PAG1: variants seen among roughly 807,000 people sequenced by gnomAD.
PAG1 encodes the protein phosphoprotein associated with glycosphingolipid-enriched microdomains 1.
PAG1 carries 23 observed loss-of-function variants against 31.7 expected under a neutral mutation model. The ratio of observed to expected loss-of-function variants is 0.73; its 90% CI spans 0.52 to 1.03. The LOEUF (loss-of-function observed/expected upper bound fraction) is 1.03, where lower values mean the gene tolerates loss of function less well. Among genes scored for constraint, PAG1 ranks in the 50% least tolerant of loss-of-function variants. The pLI is 0.00. For synonymous variants in PAG1, 214 were observed against 210.3 expected (o/e 1.02, Z -0.15); for missense variants, 473 against 540.7 (o/e 0.87, Z 1.24).
At chr8:81,087,884 T>A (rs772798056) in intron 1 of PAG1, among the ~76,000 whole-genome samples, 20 of 152,300 alleles carry the variant, frequency 1.3e-4, no homozygotes, top group Admixed American at 9.8e-4. Flanking sequence ...TTTAAAGATT[T>A]TTGACAGTTT....
chr8:80,994,234 TTATTCTGAGTATGTTATG>T (rs1807625660), intron 3 of PAG1, among the ~76,000 whole-genome samples: 2 of 152,288 alleles, frequency 1.3e-5, no homozygotes, highest in South Asian at 4.1e-4. Context: ...CTGCATTTAT[TTATTCTGAGTATGTTATG>T]TATTCTGAGT....
At chr8:81,043,637 A>G (rs184240495) in intron 2 of PAG1, among the ~76,000 whole-genome samples, 268 of 152,300 alleles carry the variant, frequency 1.8e-3, no homozygotes, top group Non-Finnish European at 3.1e-3. Context: ...GTTTTCCTCA[A>G]TTACAAATGA....
chr8:81,108,884 G>A (rs1809732964), intron 1 of PAG1, among the ~76,000 whole-genome samples: 1 of 152,204 alleles, frequency 6.6e-6, no homozygotes, highest in African/African-American at 2.4e-5. Flanking sequence ...ATGAGGCAAA[G>A]TGCAAGGCCT....
Position 81,083,487 on chromosome 8 carries a change from C to A in PAG1, c.-233-13317G>T, listed in dbSNP as rs548699091. On this transcript the variant is annotated intron_variant, in intron 1 of 8. Coordinates refer to ENST00000220597, the MANE Select transcript of PAG1 (RefSeq NM_018440.4). ...AGGGCTGGGGTGCCTTGGGACACCC[C>A]AGCTCTCAATTTAGAGCTGGCAAGG... 8.5e-5 allele frequency among the ~76,000 whole-genome samples: 13 copies of A among 152,160 alleles called. No homozygotes were observed. In the South Asian group the frequency reaches 2.1e-3, roughly 24 times the overall value.
At chr8:81,039,322 A>G (rs1216768126) in intron 2 of PAG1, 1 of 152,216 alleles carries the variant, frequency 6.6e-6, no homozygotes, top group Non-Finnish European at 1.5e-5. Context: ...CTAGAGTAGG[A>G]TGGGCCCCCA....
In PAG1 at chr8:80,969,609, CT is replaced by C. The variant is rs1807034532; in HGVS notation, c.*6934del. 1 of 152,222 alleles carries C rather than the reference CT, an allele frequency of 6.6e-6. No homozygotes were observed. The highest frequency in any genetic ancestry group is 2.4e-5 in the African/African-American group (1 of 41,454). 9.4% of individuals were successfully genotyped at this position (152,222 alleles called of 1,614,324 possible). On this transcript the variant is annotated 3_prime_UTR_variant, in exon 9 of 9. Coordinates refer to ENST00000220597, the MANE Select transcript of PAG1 (RefSeq NM_018440.4). ...AGGGAGCAACTGGTCCTTCTTTTAG[CT>C]TTAACTGTGTCCTATTTAGAGTGCC...
At chr8:81,035,622 A>G (rs886730789) in intron 2 of PAG1, among the ~76,000 whole-genome samples, 1 of 152,198 alleles carries the variant, frequency 6.6e-6, no homozygotes, top group African/African-American at 2.4e-5. Flanking sequence ...GAGGGCAACG[A>G]TGGCACATGC....
chr8:81,021,868 T>C (rs1165457132), intron 3 of PAG1, among the ~76,000 whole-genome samples: 1 of 152,160 alleles, frequency 6.6e-6, no homozygotes, highest in Non-Finnish European at 1.5e-5. Flanking sequence ...TAAAAGTCAG[T>C]TCACATAGAA....
At chr8:81,087,341 C>CAAAAAA (rs34830995) in intron 1 of PAG1, among the ~76,000 whole-genome samples, 16 of 98,310 alleles carry the variant, frequency 1.6e-4, no homozygotes, top group African/African-American at 6.1e-4. Flanking sequence ...GACTCTGTCT[C>CAAAAAA]AAAAAAAAAA....
intron 2 of PAG1, among the ~76,000 whole-genome samples, chr8:81,059,159 G>A (rs1000750617): frequency 2.0e-5 from 3 of 151,910 alleles, no homozygotes; most frequent in Non-Finnish European, 4.4e-5. Flanking sequence ...AACATGTCCA[G>A]ATTACTTATA....
At chr8:81,098,371 C>T (rs1472999398) in intron 1 of PAG1, among the ~76,000 whole-genome samples, 2 of 152,160 alleles carry the variant, frequency 1.3e-5, no homozygotes. Flanking sequence ...CTACAGAACC[C>T]CACATAGTTT....
At chr8:80,999,913 G>A (rs1057364888) in intron 3 of PAG1, among the ~76,000 whole-genome samples, 11 of 152,156 alleles carry the variant, frequency 7.2e-5, no homozygotes, top group Admixed American at 1.3e-4. Context: ...AGAGAGACAC[G>A]AGAGAGGGAG....
rs148336494 is a variant in PAG1, at chr8:81,083,680, C to G, written c.-233-13510G>C. Among the ~76,000 whole-genome samples the G allele has an allele frequency of 2.4e-3, 359 of 152,216 alleles. 3 individuals are homozygous for G. Among genetic ancestry groups the G allele is most frequent in the African/African-American group, 8.3e-3 (346 of 41,530 alleles). ...TCAGAAAACAGATTTTCATCTTTTA[C>G]TTATTTGTTTTTGTATGTGCCTGTT... On this transcript the variant is annotated intron_variant, in intron 1 of 8. Coordinates refer to ENST00000220597, the MANE Select transcript of PAG1 (RefSeq NM_018440.4).
intron 2 of PAG1, among the ~76,000 whole-genome samples, chr8:81,046,974 T>C (rs954370649): frequency 6.6e-6 from 1 of 152,208 alleles, no homozygotes; most frequent in Non-Finnish European, 1.5e-5. Context: ...ATTAGTTTCC[T>C]GAGGGTAATG....
chr8:81,025,125 T>C (rs1808252719), intron 3 of PAG1, among the ~76,000 whole-genome samples: 4 of 152,126 alleles, frequency 2.6e-5, no homozygotes, highest in Admixed American at 2.6e-4. Context: ...TCCCTCAATA[T>C]CTGTTTGCCT....
rs773660130 is a variant in PAG1, at chr8:80,972,841, C to T, written c.*3703G>A. On this transcript the variant is annotated 3_prime_UTR_variant, in exon 9 of 9. Transcript: ENST00000220597. Reference sequence around the variant, plus strand: ...TTCTGCTTTTCCAACAAAAGTTCATCACACTAGCAGGATAAACATTCAAAA... The same window carrying T: ...TTCTGCTTTTCCAACAAAAGTTCATTACACTAGCAGGATAAACATTCAAAA... 1.3e-5 allele frequency: 2 copies of T among 151,990 alleles called. No individual in the cohort carries two copies. Among genetic ancestry groups the T allele is most frequent in the African/African-American group, 4.8e-5 (2 of 41,346 alleles). The allele number at this position is 151,990 out of a possible 1,614,324, so 9.4% of individuals were successfully genotyped here.
At chr8:81,050,191 G>C (rs1440021549) in intron 2 of PAG1, among the ~76,000 whole-genome samples, 1 of 152,136 alleles carries the variant, frequency 6.6e-6, no homozygotes, top group Non-Finnish European at 1.5e-5. Context: ...GCTCAAAACA[G>C]AATGATAGTG....
rs1554598378 is a variant in PAG1 at position 80,981,862 on chromosome 8, C to CCT, written c.877-1369_877-1368insAG. On this transcript the variant is annotated intron_variant, in intron 7 of 8. Coordinates refer to ENST00000220597, the MANE Select transcript of PAG1 (RefSeq NM_018440.4). Reference sequence around the variant, plus strand: ...TTCTACCTACTCATTATCTCACTTCCTTTTTTTTTTTTTTTTTTTTTTTGA... The same window carrying CCT: ...TTCTACCTACTCATTATCTCACTTCCCTTTTTTTTTTTTTTTTTTTTTTTTGA... Among the ~76,000 whole-genome samples, 197 of 103,446 alleles carry CCT rather than the reference C, an allele frequency of 1.9e-3. 2 individuals carry two copies. The highest frequency in any genetic ancestry group is 5.7e-3 in the African/African-American group (114 of 20,032). 67.9% of individuals were successfully genotyped at this position (103,446 alleles called of 152,430 possible). A position where few individuals can be genotyped will look rare whatever the true frequency, so the allele number is the denominator to read the frequency against.
intron 2 of PAG1, among the ~76,000 whole-genome samples, chr8:81,064,624 C>A (rs1414094851): frequency 6.6e-6 from 1 of 152,104 alleles, no homozygotes; most frequent in Admixed American, 6.5e-5. Context: ...AGATTCCAAA[C>A]AGCTAACTCT....
Sources: gnomAD v4.1 joint callset for allele counts (sites outside exome capture counted in the v4.1 genomes callset) on GRCh38, gnomAD v4.1.1 for gene constraint, MANE v1.5 for transcripts, NCBI Gene and HGNC (gene_info 2026-07-23, HGNC 2026-07-21) for gene names.